The following KDM3A variants were observed in gnomAD, a reference collection of about 807,000 sequenced individuals.
KDM3A encodes lysine demethylase 3A.
KDM3A carries 60 observed loss-of-function variants against 158.0 expected under a neutral mutation model. The ratio of observed to expected loss-of-function variants is 0.38; its 90% CI spans 0.31 to 0.47. The LOEUF is 0.47. KDM3A is among the 20% of genes least tolerant of loss of function. KDM3A has a pLI of 0.99. For missense variants in KDM3A, 1,319 were observed against 1,574.3 expected (o/e 0.84, Z 2.74); for synonymous variants, 608 against 549.3 (o/e 1.11, Z -1.49).
chr2:86,441,289 G>A (rs891135769), upstream of KDM3A: 1 of 152,216 alleles, frequency 6.6e-6, no homozygotes, highest in African/African-American at 2.4e-5. Flanking sequence ...CAGCTCCTGT[G>A]TTTCAGCCAA....
intron 9 of KDM3A, among the ~76,000 whole-genome samples, chr2:86,464,697 C>T (rs1673063413): frequency 6.6e-6 from 1 of 152,140 alleles, no homozygotes; most frequent in Non-Finnish European, 1.5e-5. Flanking sequence ...CTGTTACTAA[C>T]TTGTAGAGGA....
chr2:86,449,585 CT>C (rs1230966209), intron 2 of KDM3A, among the ~76,000 whole-genome samples: 4 of 152,098 alleles, frequency 2.6e-5, no homozygotes, highest in African/African-American at 9.7e-5. Context: ...CCCAAAAAGC[CT>C]TGACTTCTGC....
intron 2 of KDM3A, chr2:86,442,527 A>C (rs1204229248): frequency 1.1e-5 from 3 of 266,934 alleles, no homozygotes; most frequent in Non-Finnish European, 2.1e-5. Flanking sequence ...ACTGCAGAGG[A>C]GGAGGAGTAT....
chr2:86,479,290 A>G (rs898406537), intron 15 of KDM3A: 4 of 152,480 alleles, frequency 2.6e-5, no homozygotes, highest in African/African-American at 9.7e-5. Context: ...CCCTCGTTCC[A>G]GTAATCAGTA....
intron 2 of KDM3A, among the ~76,000 whole-genome samples, chr2:86,446,508 A>G (rs555758514): frequency 2.6e-5 from 4 of 152,294 alleles, no homozygotes; most frequent in African/African-American, 7.2e-5. Context: ...CAGGAGTTCA[A>G]GACCAACCTG....
intron 2 of KDM3A, 146 bp downstream of exon 2, chr2:86,442,379 T>C (rs1682764441): frequency 1.3e-6 from 1 of 766,992 alleles, no homozygotes; most frequent in Non-Finnish European, 2.1e-6. Context: ...ATCTTGAAAG[T>C]CTTTGGAATG....
At chr2:86,472,679 C>G (rs1464521495) in intron 11 of KDM3A, among the ~76,000 whole-genome samples, 2 of 152,110 alleles carry the variant, frequency 1.3e-5, no homozygotes, top group African/African-American at 4.8e-5. Context: ...AATGGTTTTT[C>G]TAAAACACAA....
chr2:86,462,117 G>T (rs1322772449), intron 8 of KDM3A, among the ~76,000 whole-genome samples: 2 of 152,102 alleles, frequency 1.3e-5, no homozygotes, highest in African/African-American at 2.4e-5. Flanking sequence ...GACATGAAAA[G>T]AAATGGGTAG....
intron 3 of KDM3A, 48 bp downstream of exon 3, chr2:86,450,010 T>A: frequency 1.3e-6 from 2 of 1,544,000 alleles, no homozygotes; most frequent in Non-Finnish European, 1.7e-6. Flanking sequence ...GGGCATTTTA[T>A]CCATTGTGGG....
chr2:86,455,954 A>C (rs1030621669), intron 5 of KDM3A, among the ~76,000 whole-genome samples: 10 of 124,800 alleles, frequency 8.0e-5, no homozygotes, highest in African/African-American at 2.7e-4. Flanking sequence ...ACCCTGTCTC[A>C]AAAAAAAAAA....
At chr2:86,456,395 G>A (rs1251816316) in intron 5 of KDM3A, 47 bp from the exon 6 acceptor site, 14 of 1,311,684 alleles carry the variant, frequency 1.1e-5, no homozygotes, top group Non-Finnish European at 1.4e-5. Flanking sequence ...GCTATTGGGA[G>A]ATAATGCAAA....
Position 86,492,192 on chromosome 2 carries a change from G to T in KDM3A, c.*73G>T, listed in dbSNP as rs929748142. 8 of 1,090,100 alleles carry T rather than the reference G, an allele frequency of 7.3e-6. No individual in the cohort carries two copies. The African/African-American group carries it at 1.1e-4, about 15-fold the overall frequency. The allele number at this position is 1,090,100 out of a possible 1,614,324, so 67.5% of individuals were successfully genotyped here. ...CAGGCAGGATTCCTGTGGACTTTGAGATTCATGTTACCTCATCTTCTTTTT... is the reference window on the plus strand; with the variant it reads ...CAGGCAGGATTCCTGTGGACTTTGATATTCATGTTACCTCATCTTCTTTTT... On this transcript the variant is annotated 3_prime_UTR_variant, in exon 26 of 26. Coordinates refer to ENST00000312912, the MANE Select transcript of KDM3A (RefSeq NM_018433.6).
chr2:86,441,715 G>A (rs971325808), intron 1 of KDM3A, among the ~76,000 whole-genome samples: 4 of 151,116 alleles, frequency 2.6e-5, no homozygotes, highest in Non-Finnish European at 5.9e-5. Flanking sequence ...GGGGCTGGGG[G>A]CTGAGCACTT....
intron 9 of KDM3A, among the ~76,000 whole-genome samples, chr2:86,465,973 T>C (rs930328403): frequency 1.3e-5 from 2 of 151,128 alleles, no homozygotes; most frequent in Non-Finnish European, 2.9e-5. Flanking sequence ...AAGAAAACTT[T>C]CGGAATTGCC....
chr2:86,455,374 T>C (rs1672646019), intron 5 of KDM3A, among the ~76,000 whole-genome samples, 187 bp downstream of exon 5: 1 of 151,464 alleles, frequency 6.6e-6, no homozygotes, highest in Non-Finnish European at 1.5e-5. Flanking sequence ...AACCTCTGCC[T>C]TACAAGTAGC....
upstream of KDM3A, among the ~76,000 whole-genome samples, chr2:86,437,543 AAT>A (rs2104606854): frequency 6.6e-6 from 1 of 152,328 alleles, no homozygotes; most frequent in South Asian, 2.1e-4. Flanking sequence ...ACTAATTTTT[AAT>A]ATACACTGGG....
At chr2:86,437,218 G>A (rs1175512662), upstream of KDM3A, among the ~76,000 whole-genome samples, 1 of 151,770 alleles carries the variant, frequency 6.6e-6, no homozygotes, top group African/African-American at 2.4e-5. Flanking sequence ...TCAGCTCACT[G>A]CAACCTCTGC....
intron 14 of KDM3A, 42 bp from the exon 15 acceptor site, chr2:86,478,566 C>T (rs1455929769): frequency 1.2e-6 from 2 of 1,606,952 alleles, no homozygotes; most frequent in Non-Finnish European, 8.5e-7. Context: ...TTGAAAGTTC[C>T]TAATATCCTT....
At chr2:86,447,630 A>G (rs1442268189) in intron 2 of KDM3A, among the ~76,000 whole-genome samples, 2 of 152,194 alleles carry the variant, frequency 1.3e-5, no homozygotes. Flanking sequence ...AAATATGCCT[A>G]ACTATGCAAT....
Sources: allele counts gnomAD v4.1 joint callset (sites outside exome capture counted in the v4.1 genomes callset), GRCh38; gene constraint gnomAD v4.1.1; transcripts MANE v1.5; gene names NCBI Gene and HGNC (gene_info 2026-07-23, HGNC 2026-07-21).